NYAP2: variants seen among roughly 807,000 people sequenced by gnomAD.
The protein encoded by NYAP2 is neuronal tyrosine-phosphorylated phosphoinositide-3-kinase adapter 2.
A neutral mutation model predicts 50.4 loss-of-function variants in NYAP2; 23 were observed. That is an observed-to-expected ratio of 0.46 (90% confidence interval 0.33 to 0.65). The LOEUF is 0.65. Among genes scored for constraint, NYAP2 ranks in the 30% least tolerant of loss-of-function variants. The pLI is 0.02. For synonymous variants in NYAP2, 394 were observed against 365.2 expected (o/e 1.08, Z -0.90); for missense variants, 885 against 861.0 (o/e 1.03, Z -0.35).
At chr2:225,660,441 A>AT in the NYAP2 span, among the ~76,000 whole-genome samples, 11,916 of 133,950 alleles carry the variant, frequency 0.089, 670 homozygotes, top group East Asian at 0.24. Context: ...CACAGGATAC[A>AT]TTTTTTTTTT....
At chr2:225,625,898 C>T (rs558618036) in intron 5 of NYAP2, among the ~76,000 whole-genome samples, 9 of 152,090 alleles carry the variant, frequency 5.9e-5, no homozygotes, top group Non-Finnish European at 1.3e-4. Context: ...GAGTCAGAGA[C>T]GGGTTGCAGT....
intron 4 of NYAP2, among the ~76,000 whole-genome samples, chr2:225,561,004 T>C (rs1308553199): frequency 6.6e-6 from 1 of 151,086 alleles, no homozygotes; most frequent in Non-Finnish European, 1.5e-5. Context: ...AATTAGTCTA[T>C]GACAGGCATT....
intron 3 of NYAP2, among the ~76,000 whole-genome samples, chr2:225,458,267 G>A (rs962057128): frequency 1.1e-4 from 16 of 152,228 alleles, no homozygotes; most frequent in Non-Finnish European, 1.6e-4. Context: ...TGGGAGGATC[G>A]CTTGAGTGGG....
At chr2:225,693,926 T>C in the NYAP2 span, among the ~76,000 whole-genome samples, 8 of 152,192 alleles carry the variant, frequency 5.3e-5, no homozygotes, top group South Asian at 2.1e-4. Flanking sequence ...GGGGTGGAGA[T>C]TGAAATTTCA....
chr2:225,691,737 T>G, the NYAP2 span, among the ~76,000 whole-genome samples: 1 of 152,076 alleles, frequency 6.6e-6, no homozygotes, highest in Non-Finnish European at 1.5e-5. Flanking sequence ...CTCCCCTTCT[T>G]GAGTCACACA....
chr2:225,423,521 A>T (rs1695244931), intron 3 of NYAP2, among the ~76,000 whole-genome samples: 1 of 152,196 alleles, frequency 6.6e-6, no homozygotes, highest in African/African-American at 2.4e-5. Flanking sequence ...TGTATGAACT[A>T]TTCTAGGAAC....
At chr2:225,411,950 A>G (rs1197171681) in intron 3 of NYAP2, among the ~76,000 whole-genome samples, 1 of 150,112 alleles carries the variant, frequency 6.7e-6, no homozygotes, top group Non-Finnish European at 1.5e-5. Flanking sequence ...TACAAATGAT[A>G]TATTTATTAT....
At chr2:225,542,355 G>T (rs1366322383) in intron 4 of NYAP2, among the ~76,000 whole-genome samples, 2 of 152,050 alleles carry the variant, frequency 1.3e-5, no homozygotes, top group African/African-American at 4.8e-5. Context: ...CAGATCTTTA[G>T]AGGAAAAGCT....
intron 6 of NYAP2, among the ~76,000 whole-genome samples, chr2:225,634,313 G>C (rs1282768588): frequency 1.3e-5 from 2 of 152,120 alleles, no homozygotes; most frequent in East Asian, 3.9e-4. Context: ...ATGGAATTCT[G>C]TACTTCAAGG....
intron 3 of NYAP2, among the ~76,000 whole-genome samples, chr2:225,424,265 G>T (rs1695255468): frequency 6.6e-6 from 1 of 151,992 alleles, no homozygotes; most frequent in African/African-American, 2.4e-5. Flanking sequence ...TTTCTTCTGA[G>T]GTATAAGTAA....
At chr2:225,476,575 A>G (rs904020325) in intron 3 of NYAP2, among the ~76,000 whole-genome samples, 4 of 152,176 alleles carry the variant, frequency 2.6e-5, no homozygotes, top group Non-Finnish European at 5.9e-5. Context: ...ACACACTTTT[A>G]AATTTAATCT....
rs573433948 is a variant in NYAP2, at chr2:225,471,084, A to T, written c.222-42287A>T. ...AAGATTGACCTTCAAATCAATATAG[A>T]GGGATTTAGACAAACCTCCATTGTT... On this transcript the variant is annotated intron_variant, in intron 3 of 6. Transcript: ENST00000636099. Among the ~76,000 whole-genome samples, 3 of 152,348 alleles carry T rather than the reference A, an allele frequency of 2.0e-5. No individual in the cohort carries two copies. In the South Asian group the frequency reaches 6.2e-4, roughly 32 times the overall value.
intron 3 of NYAP2, among the ~76,000 whole-genome samples, chr2:225,467,368 T>C (rs998444003): frequency 3.9e-5 from 6 of 152,088 alleles, no homozygotes; most frequent in Non-Finnish European, 5.9e-5. Flanking sequence ...CAGTTATTAT[T>C]TTAGAGAGAC....
At chr2:225,470,401 G>A (rs796224853) in intron 3 of NYAP2, among the ~76,000 whole-genome samples, 6 of 152,194 alleles carry the variant, frequency 3.9e-5, no homozygotes, top group African/African-American at 1.4e-4. Flanking sequence ...CTATTCATGA[G>A]CACTATATGA....
chr2:225,425,960 A>AG (rs1463223672), intron 3 of NYAP2, among the ~76,000 whole-genome samples: 15 of 152,260 alleles, frequency 9.9e-5, no homozygotes, highest in South Asian at 2.1e-4. Flanking sequence ...AAATAAATGA[A>AG]GGGGGAGAGG....
chr2:225,404,700 G>T (rs749640603), intron 2 of NYAP2, among the ~76,000 whole-genome samples: 6 of 151,836 alleles, frequency 4.0e-5, no homozygotes, highest in Non-Finnish European at 7.4e-5. Context: ...ATAACAAAGT[G>T]AAAAAATAAA....
intron 4 of NYAP2, among the ~76,000 whole-genome samples, chr2:225,571,135 C>A (rs371664269): frequency 1.3e-5 from 2 of 152,260 alleles, no homozygotes; most frequent in African/African-American, 2.4e-5. Flanking sequence ...GCAGCTCAGT[C>A]CCTATGGCTG....
the NYAP2 span, among the ~76,000 whole-genome samples, chr2:225,664,113 T>G: frequency 6.6e-6 from 1 of 152,208 alleles, no homozygotes; most frequent in Admixed American, 6.5e-5. Flanking sequence ...TATTACACAG[T>G]AAAGCAGTGT....
At chr2:225,485,050 T>C (rs1690266767) in intron 3 of NYAP2, among the ~76,000 whole-genome samples, 1 of 152,194 alleles carries the variant, frequency 6.6e-6, no homozygotes, top group African/African-American at 2.4e-5. Context: ...TAATATGGTT[T>C]GGCTTTGTGT....
Sources: allele counts gnomAD v4.1 joint callset (sites outside exome capture counted in the v4.1 genomes callset), GRCh38; gene constraint gnomAD v4.1.1; transcripts MANE v1.5; gene names NCBI Gene and HGNC (gene_info 2026-07-23, HGNC 2026-07-21).